The following TCF7L1 variants were observed in gnomAD, a reference collection of about 807,000 sequenced individuals.
TCF7L1 encodes the protein transcription factor 7 like 1.
TCF7L1 carries 18 observed loss-of-function variants against 63.7 expected under a neutral mutation model. The observed-to-expected ratio is 0.28, with a 90% CI of 0.20 to 0.42. TCF7L1 has a LOEUF of 0.42. Among genes scored for constraint, TCF7L1 ranks in the 10% least tolerant of loss-of-function variants. The pLI, the probability that TCF7L1 is intolerant of heterozygous loss-of-function variation, is 1.00. For synonymous variants in TCF7L1, 355 were observed against 340.9 expected, an observed-to-expected ratio of 1.04 and a Z score of -0.46; for missense variants, 654 against 779.3, an observed-to-expected ratio of 0.84 and a Z score of 1.91.
intron 3 of TCF7L1, among the ~76,000 whole-genome samples, chr2:85,259,307 G>A (rs1680801279): frequency 6.6e-6 from 1 of 152,238 alleles, no homozygotes; most frequent in African/African-American, 2.4e-5. Flanking sequence ...AAGAAGATCA[G>A]GCAGCCACCC....
At chr2:85,194,007 G>A (rs1386927570) in intron 3 of TCF7L1, among the ~76,000 whole-genome samples, 2 of 152,052 alleles carry the variant, frequency 1.3e-5, no homozygotes, top group African/African-American at 4.8e-5. Context: ...GGTGGTAGGA[G>A]GGTTAGTGTG....
At chr2:85,173,371 T>C (rs1017256832) in intron 3 of TCF7L1, among the ~76,000 whole-genome samples, 2 of 152,014 alleles carry the variant, frequency 1.3e-5, no homozygotes, top group Non-Finnish European at 2.9e-5. Context: ...GCCCACAGCC[T>C]GACAGGGAGC....
chr2:85,202,861 T>C (rs1410896899), intron 3 of TCF7L1, among the ~76,000 whole-genome samples: 1 of 151,822 alleles, frequency 6.6e-6, no homozygotes, highest in Non-Finnish European at 1.5e-5. Flanking sequence ...TGAGACAGAG[T>C]CTCGCTCTTT....
intron 3 of TCF7L1, among the ~76,000 whole-genome samples, chr2:85,212,182 C>G (rs1486198603): frequency 1.3e-5 from 2 of 151,534 alleles, no homozygotes; most frequent in Non-Finnish European, 2.9e-5. Flanking sequence ...AATTCCTACA[C>G]GGTAACAGTC....
intron 3 of TCF7L1, among the ~76,000 whole-genome samples, chr2:85,178,069 G>A (rs987603641): frequency 2.0e-5 from 3 of 152,104 alleles, no homozygotes; most frequent in Admixed American, 2.0e-4. Context: ...CCCGAGCCCT[G>A]AGAAAAAGCA....
At chr2:85,141,259 A>C (rs907208563) in intron 3 of TCF7L1, among the ~76,000 whole-genome samples, 5 of 152,202 alleles carry the variant, frequency 3.3e-5, no homozygotes, top group African/African-American at 1.2e-4. Flanking sequence ...AAAAATAAAA[A>C]ATAAGAGGAG....
At chr2:85,284,500 C>T (rs1681497234) in intron 4 of TCF7L1, among the ~76,000 whole-genome samples, 1 of 152,164 alleles carries the variant, frequency 6.6e-6, no homozygotes, top group African/African-American at 2.4e-5. Flanking sequence ...TCAGGACATG[C>T]AAAGGACTGA....
At chr2:85,255,370 C>T (rs755129932) in intron 3 of TCF7L1, among the ~76,000 whole-genome samples, 5 of 152,192 alleles carry the variant, frequency 3.3e-5, no homozygotes, top group Admixed American at 6.5e-5. Flanking sequence ...TTCCCTCCCC[C>T]CTACATGCTG....
chr2:85,178,653 A>G lies in TCF7L1; in HGVS notation c.441+44203A>G, dbSNP rs142192858. Among the ~76,000 whole-genome samples, 1,068 of 152,330 alleles carry G rather than the reference A, an allele frequency of 7.0e-3. 9 individuals are homozygous for G. The highest frequency in any genetic ancestry group is 0.011 in the Non-Finnish European group (716 of 68,026). Reference sequence around the variant, plus strand: ...CTAGATGGTTATTTGTCCATTTTATAGACAGGGAAATTGAGGCCTGCCAGT... The same window carrying G: ...CTAGATGGTTATTTGTCCATTTTATGGACAGGGAAATTGAGGCCTGCCAGT... On this transcript the variant is annotated intron_variant, in intron 3 of 11. Coordinates refer to ENST00000282111, the MANE Select transcript of TCF7L1 (RefSeq NM_031283.3).
Position 85,133,815 on chromosome 2 carries a change from A to G in TCF7L1, c.131A>G (p.Glu44Gly). ...ANDELIPFQDEGGEEQEPSSD... is the reference protein window; with the variant it reads ...ANDELIPFQDGGGEEQEPSSD... ...GACGAGCTGATCCCCTTCCAGGACG[A>G]GGGGGGCGAGGAGCAGGAGCCGAGC... The change falls in exon 1 of 12, where the codon GAG (glutamate) becomes GGG (glycine). Residue 44 changes from glutamate to glycine, a missense_variant. Coordinates refer to ENST00000282111, the MANE Select transcript of TCF7L1 (RefSeq NM_031283.3). The surrounding 1 kb of genome is among the most constrained non-coding windows in gnomAD (Gnocchi z 4.4). The G allele has an allele frequency of 6.8e-7, 1 of 1,468,970 alleles. No individual in the cohort carries two copies. 91.0% of individuals were successfully genotyped at this position (1,468,970 alleles called of 1,614,324 possible).
intron 3 of TCF7L1, among the ~76,000 whole-genome samples, chr2:85,220,347 T>A (rs1336132110): frequency 6.6e-6 from 1 of 151,608 alleles, no homozygotes; most frequent in African/African-American, 2.4e-5. Context: ...ACTTACTTTC[T>A]GTACTTAAAA....
chr2:85,229,020 C>CAAAAA (rs1182542916), intron 3 of TCF7L1, among the ~76,000 whole-genome samples: 3 of 57,350 alleles, frequency 5.2e-5, no homozygotes, highest in African/African-American at 5.3e-5. Context: ...GACTCTGTCT[C>CAAAAA]AAAAAAAAAA....
At chr2:85,288,431 C>T (rs1358524594) in intron 4 of TCF7L1, among the ~76,000 whole-genome samples, 4 of 152,114 alleles carry the variant, frequency 2.6e-5, no homozygotes, top group Non-Finnish European at 4.4e-5. Flanking sequence ...CCAGGCTAGA[C>T]GTGTGAGCAG....
At chr2:85,228,916 G>A (rs958216697) in intron 3 of TCF7L1, among the ~76,000 whole-genome samples, 2 of 151,080 alleles carry the variant, frequency 1.3e-5, no homozygotes, top group African/African-American at 4.9e-5. Flanking sequence ...AGCTACTCGG[G>A]AGGCTGAGCC....
chr2:85,169,336 G>A (rs977769664), intron 3 of TCF7L1, among the ~76,000 whole-genome samples: 7 of 150,966 alleles, frequency 4.6e-5, no homozygotes, highest in East Asian at 2.0e-4. Flanking sequence ...CTCCAGATTC[G>A]CCTGCTGTCC....
intron 3 of TCF7L1, among the ~76,000 whole-genome samples, chr2:85,278,014 T>G (rs1272420773): frequency 2.6e-5 from 4 of 152,204 alleles, no homozygotes; most frequent in African/African-American, 7.2e-5. Flanking sequence ...CAGGGCATGC[T>G]GGGATTTCCT....
At chr2:85,222,506 CA>C (rs1362053646) in intron 3 of TCF7L1, among the ~76,000 whole-genome samples, 2 of 150,816 alleles carry the variant, frequency 1.3e-5, no homozygotes, top group Non-Finnish European at 3.0e-5. Context: ...CTGTCTCCAC[CA>C]AAAATACAAA....
chr2:85,299,419 G>T (rs971604164), intron 4 of TCF7L1, among the ~76,000 whole-genome samples: 3 of 151,928 alleles, frequency 2.0e-5, no homozygotes, highest in African/African-American at 7.3e-5. Context: ...GGACATGGTG[G>T]TGGGTGCCTG....
At chr2:85,194,568 A>C (rs874838) in intron 3 of TCF7L1, among the ~76,000 whole-genome samples, 2 of 152,160 alleles carry the variant, frequency 1.3e-5, no homozygotes, top group South Asian at 4.2e-4. Flanking sequence ...AACCCAAAGC[A>C]TGGTCAGGGC....
Sources: gnomAD v4.1 joint callset for allele counts (sites outside exome capture counted in the v4.1 genomes callset) on GRCh38, gnomAD v4.1.1 for gene constraint, Gnocchi (gnomAD v3.1) non-coding constraint, MANE v1.5 for transcripts, NCBI Gene and HGNC (gene_info 2026-07-23, HGNC 2026-07-21) for gene names.